Variants in CSNK1D observed in about 807,000 individuals in gnomAD.
CSNK1D encodes the protein casein kinase I isoform delta.
CSNK1D carries 16 observed loss-of-function variants against 46.6 expected under a neutral mutation model. The observed-to-expected ratio is 0.34, with a 90% CI of 0.23 to 0.52. The LOEUF (loss-of-function observed/expected upper bound fraction) is 0.52. Among genes scored for constraint, CSNK1D ranks in the 20% least tolerant of loss-of-function variants. The pLI is 0.95. For missense variants in CSNK1D, 398 were observed against 578.4 expected, an observed-to-expected ratio of 0.69 and a Z score of 3.20; for synonymous variants, 276 against 228.2, an observed-to-expected ratio of 1.21 and a Z score of -1.89.
Position 82,248,721 on chromosome 17 carries a change from A to G in CSNK1D, c.1197+154T>C. On this transcript the variant is annotated intron_variant, in intron 8 of 8. Coordinates refer to ENST00000314028, the MANE Select transcript of CSNK1D (RefSeq NM_001893.6). The surrounding 1 kb of genome is among the most constrained non-coding windows in gnomAD (Gnocchi z 4.1). The stretch of plus-strand genomic sequence containing the variant: ...CTCCCAGGCCCTCCCGAGAAGCCTC[A>G]TCTGCAACCAAGACGCCACACCCTG... 1 of 1,468,240 alleles carries G rather than the reference A, an allele frequency of 6.8e-7. No individual in the cohort carries two copies. The highest frequency in any genetic ancestry group is 9.0e-7 in the Non-Finnish European group (1 of 1,111,140). The allele number at this position is 1,468,240 out of a possible 1,614,324, so 91.0% of individuals were successfully genotyped here. A position where few individuals can be genotyped will look rare whatever the true frequency, so the allele number is the denominator to read the frequency against.
At chr17:82,244,943 C>A in intron 8 of CSNK1D, 112 bp from the exon 9 acceptor site, 5 of 1,435,440 alleles carry the variant, frequency 3.5e-6, no homozygotes, top group Middle Eastern at 1.9e-4. Flanking sequence ...ACCGCCTAGC[C>A]CCAGTCTAGA....
chr17:82,241,417 C>T (rs1358777897), downstream of CSNK1D, among the ~76,000 whole-genome samples: 2 of 152,248 alleles, frequency 1.3e-5, no homozygotes, highest in Non-Finnish European at 2.9e-5. Context: ...CCTGAGGACA[C>T]AGACCCAGCC....
Position 82,249,610 on chromosome 17 carries a change from G to T in CSNK1D, c.886-8C>A. 6.4e-7 allele frequency: 1 copy of T among 1,559,984 alleles called. No individual in the cohort carries two copies. On this transcript the variant is annotated splice_region_variant and splice_polypyrimidine_tract_variant and intron_variant, in intron 6 of 8. Transcript: ENST00000314028. This position sits in a 1 kb window ranked among gnomAD's most constrained non-coding sequence, Gnocchi z 6.7. ...GGCGGCCCGGCTGGCACCCTGAGGA[G>T]GCAGGAGGTGAGGCCGGAATGGAAC... is the stretch of plus-strand genomic sequence containing the variant.
chr17:82,247,382 C>T (rs1373725159), intron 8 of CSNK1D: 2 of 985,436 alleles, frequency 2.0e-6, no homozygotes, highest in South Asian at 4.7e-5. Flanking sequence ...CTACTCAGCA[C>T]GCTCAGGACA....
At chr17:82,256,979 T>C (rs182292651) in intron 2 of CSNK1D, among the ~76,000 whole-genome samples, 1 of 152,328 alleles carries the variant, frequency 6.6e-6, no homozygotes, top group East Asian at 1.9e-4. Context: ...TTTATTGTTT[T>C]GAGACGAGGT....
chr17:82,248,653 C>T lies in CSNK1D; in HGVS notation c.1197+222G>A. On this transcript the variant is annotated intron_variant, in intron 8 of 8. Coordinates refer to ENST00000314028, the MANE Select transcript of CSNK1D (RefSeq NM_001893.6). This position sits in a 1 kb window ranked among gnomAD's most constrained non-coding sequence, Gnocchi z 4.1. ...TCAGGGACCTGAGACCTGAGACTGG[C>T]CACCTGCAACCAGGAGACAAGCCCC... 7.2e-7 allele frequency: 1 copy of T among 1,392,884 alleles called. No individual in the cohort carries two copies. Among genetic ancestry groups the T allele is most frequent in the Non-Finnish European group, 9.3e-7 (1 of 1,072,212 alleles). 86.3% of individuals were successfully genotyped at this position (1,392,884 alleles called of 1,614,324 possible).
At chr17:82,272,495 C>T (rs2051654149) in intron 1 of CSNK1D, among the ~76,000 whole-genome samples, 1 of 152,214 alleles carries the variant, frequency 6.6e-6, no homozygotes, top group Admixed American at 6.5e-5. Flanking sequence ...CTGTTACAGT[C>T]TAAAGGACAC....
chr17:82,248,914 G>A lies in CSNK1D; in HGVS notation c.1158C>T (p.Leu386=). The change falls in exon 8 of 9, where the codon CTC becomes CTT. Residue 386 remains leucine (L), a synonymous_variant. Transcript: ENST00000314028. The surrounding 1 kb of genome is among the most constrained non-coding windows in gnomAD (Gnocchi z 4.1). Reference sequence around the variant, plus strand: ...TGCGAGAGGTATCTTGTCGGCCTGTGAGGTCGGACGAGGAGATGTTGACGG... The same window carrying A: ...TGCGAGAGGTATCTTGTCGGCCTGTAAGGTCGGACGAGGAGATGTTGACGG... ...GAPVNISSSD[L]TGRQDTSRMS... 6.2e-7 allele frequency: 1 copy of A among 1,609,288 alleles called. No homozygotes were observed. Among genetic ancestry groups the A allele is most frequent in the Non-Finnish European group, 8.5e-7 (1 of 1,177,530 alleles).
At chr17:82,256,860 G>A (rs2051188148) in intron 2 of CSNK1D, among the ~76,000 whole-genome samples, 2 of 152,162 alleles carry the variant, frequency 1.3e-5, no homozygotes. Flanking sequence ...GAACGGCCTG[G>A]ATAAACCTTT....
intron 8 of CSNK1D, chr17:82,245,587 C>A (rs2050830253): frequency 3.1e-6 from 1 of 324,192 alleles, no homozygotes; most frequent in African/African-American, 2.1e-5. Flanking sequence ...GAGCAGGACA[C>A]AGACGCCCCT....
Position 82,273,525 on chromosome 17 carries a change from G to C in CSNK1D, c.-144C>G. The C allele has an allele frequency of 2.0e-6, 2 of 1,005,000 alleles. No homozygotes were observed. Among genetic ancestry groups the C allele is most frequent in the South Asian group, 3.0e-5 (2 of 66,474 alleles). 62.3% of individuals were successfully genotyped at this position (1,005,000 alleles called of 1,614,324 possible). ...GCCCCGCTTTCACCATCGCTTTCCT[G>C]TCGCCCCGCCGCTCCCAGCGCCTCA... On this transcript the variant is annotated 5_prime_UTR_variant, in exon 1 of 9. Transcript: ENST00000314028. The surrounding 1 kb of genome is among the most constrained non-coding windows in gnomAD (Gnocchi z 5.1).
rs2051693659 is a variant in CSNK1D at position 82,273,445 on chromosome 17, C to T, written c.-64G>A. 6 of 1,585,958 alleles carry T rather than the reference C, an allele frequency of 3.8e-6. No individual in the cohort carries two copies. In the African/African-American group the frequency reaches 8.2e-5, roughly 22 times the overall value. On this transcript the variant is annotated 5_prime_UTR_variant, in exon 1 of 9. Coordinates refer to ENST00000314028, the MANE Select transcript of CSNK1D (RefSeq NM_001893.6). The surrounding 1 kb of genome is among the most constrained non-coding windows in gnomAD (Gnocchi z 5.1). ...CTTCCTGGGTCTGAACTCTGGGAGGCGGCGCCGCTGCTGCCGCTACTGCGG... is the reference window on the plus strand; with the variant it reads ...CTTCCTGGGTCTGAACTCTGGGAGGTGGCGCCGCTGCTGCCGCTACTGCGG...
chr17:82,239,027 C>G (rs750861421), downstream of CSNK1D: 4 of 1,472,814 alleles, frequency 2.7e-6, no homozygotes, highest in Middle Eastern at 2.0e-4. Flanking sequence ...AAGCCGGCAA[C>G]GCTTGCTATT....
chr17:82,244,256 G>A lies in CSNK1D; in HGVS notation c.*525C>T, dbSNP rs568590684. On this transcript the variant is annotated 3_prime_UTR_variant, in exon 9 of 9. Transcript: ENST00000314028. ...ATCCACCTGCACCTTCTCCCTGCCC[G>A]ACTCCACCTCATACACTAACTCCAA... The A allele has an allele frequency of 2.9e-5, 31 of 1,078,152 alleles. No homozygotes were observed. The highest frequency in any genetic ancestry group is 4.5e-4 in the Middle Eastern group (1 of 2,240). The allele number at this position is 1,078,152 out of a possible 1,614,324, so 66.8% of individuals were successfully genotyped here.
rs967236793 is a variant in CSNK1D at position 82,255,530 on chromosome 17, C to T, written c.235G>A (p.Val79Ile). 14 of 1,614,000 alleles carry T rather than the reference C, an allele frequency of 8.7e-6. No homozygotes were observed. Among genetic ancestry groups the T allele is most frequent in the Non-Finnish European group, 1.2e-5 (14 of 1,180,024 alleles). ...RWCGAEGDYN[V>I]MVMELLGPSL... The stretch of plus-strand genomic sequence containing the variant: ...GGCCCCAGCAGCTCCATCACCATGA[C>T]GTTGTAGTCCCCCTCTGCCCCGCAC... Residue 79 changes from valine to isoleucine, a missense_variant, in exon 3 of 9, where the codon GTC (valine) becomes ATC (isoleucine). Around this residue, in one of 2 missense-constraint regions of CSNK1D, gnomAD observed 217 missense variants for 370.3 expected, o/e 0.59. Coordinates refer to ENST00000314028, the MANE Select transcript of CSNK1D (RefSeq NM_001893.6). The surrounding 1 kb of genome is among the most constrained non-coding windows in gnomAD (Gnocchi z 5.9).
rs767044130 is a variant in CSNK1D at position 82,273,543 on chromosome 17, G to C, written c.-162C>G. 2.3e-6 allele frequency: 2 copies of C among 874,976 alleles called. No individual in the cohort carries two copies. The highest frequency in any genetic ancestry group is 4.6e-5 in the Admixed American group (2 of 43,836). The allele number at this position is 874,976 out of a possible 1,614,324, so 54.2% of individuals were successfully genotyped here. On this transcript the variant is annotated 5_prime_UTR_variant, in exon 1 of 9. Coordinates refer to ENST00000314028, the MANE Select transcript of CSNK1D (RefSeq NM_001893.6). The surrounding 1 kb of genome is among the most constrained non-coding windows in gnomAD (Gnocchi z 5.1). ...CTTTCCTGTCGCCCCGCCGCTCCCA[G>C]CGCCTCAATACGGGGCGGATGGGAC...
At chr17:82,263,161 C>T (rs1234044402) in intron 2 of CSNK1D, among the ~76,000 whole-genome samples, 1 of 152,170 alleles carries the variant, frequency 6.6e-6, no homozygotes, top group Non-Finnish European at 1.5e-5. Context: ...TCCTGGGCAA[C>T]GGAGTGAGAC....
chr17:82,265,695 G>A lies in CSNK1D; in HGVS notation c.178C>T (p.Gln60Ter). 6.2e-7 allele frequency: 1 copy of A among 1,613,266 alleles called. No individual in the cohort carries two copies. The highest frequency in any genetic ancestry group is 8.5e-7 in the Non-Finnish European group (1 of 1,179,214). ...ACTGGTAAAGACCTACCTCCTCCCTGCATCATCTTGTAGATTTTGCTCTCA... is the reference window on the plus strand; with the variant it reads ...ACTGGTAAAGACCTACCTCCTCCCTACATCATCTTGTAGATTTTGCTCTCA... Reference protein sequence around the residue: ...HIESKIYKMMQGGVGIPTIRW... With the variant: ...HIESKIYKMM Residue 60 changes from glutamine to a stop codon, truncating the protein, a stop_gained, in exon 2 of 9, where the codon CAG becomes TAG. Coordinates refer to ENST00000314028, the MANE Select transcript of CSNK1D (RefSeq NM_001893.6). LOFTEE classifies it high-confidence loss of function.
chr17:82,244,547 C>A lies in CSNK1D; in HGVS notation c.*234G>T. The A allele has an allele frequency of 6.8e-7, 1 of 1,466,522 alleles. No individual in the cohort carries two copies. Among genetic ancestry groups the A allele is most frequent in the Non-Finnish European group, 9.0e-7 (1 of 1,109,790 alleles). 90.8% of individuals were successfully genotyped at this position (1,466,522 alleles called of 1,614,324 possible). A position where few individuals can be genotyped will look rare whatever the true frequency, so the allele number is the denominator to read the frequency against. On this transcript the variant is annotated 3_prime_UTR_variant, in exon 9 of 9. Coordinates refer to ENST00000314028, the MANE Select transcript of CSNK1D (RefSeq NM_001893.6). ...ATTCTCTCTCTGCTTTTCTTCCCAGCCCCGTTACAACCGAGTTCACGTGGG... is the reference window on the plus strand; with the variant it reads ...ATTCTCTCTCTGCTTTTCTTCCCAGACCCGTTACAACCGAGTTCACGTGGG...
Sources: gnomAD v4.1 joint callset for allele counts (sites outside exome capture counted in the v4.1 genomes callset) on GRCh38, gnomAD v4.1.1 for gene constraint, gnomAD v4.1.1 regional missense constraint, Gnocchi (gnomAD v3.1) non-coding constraint, MANE v1.5 for transcripts, NCBI Gene and HGNC (gene_info 2026-07-23, HGNC 2026-07-21) for gene names.